Variants in VIRMA observed in about 807,000 individuals in gnomAD.
VIRMA encodes protein virilizer homolog.
In VIRMA, 65 loss-of-function variants were observed where a neutral mutation model predicts 182.4. The observed-to-expected ratio is 0.36, with a 90% confidence interval of 0.29 to 0.44. The LOEUF (loss-of-function observed/expected upper bound fraction) is 0.44. Ranked by LOEUF, VIRMA falls within the 20% of genes least tolerant of loss-of-function variation. The probability of loss-of-function intolerance (pLI) is 1.00; values close to 1 mark genes in which losing one functional copy is unlikely to be tolerated. For missense variants in VIRMA, 1,752 were observed against 2,158.1 expected (o/e 0.81, Z 3.73); for synonymous variants, 709 against 743.1 (o/e 0.95, Z 0.75).
At chr8:94,501,094 T>C (rs746537044) in intron 16 of VIRMA, among the ~76,000 whole-genome samples, 23 of 150,014 alleles carry the variant, frequency 1.5e-4, no homozygotes, top group Non-Finnish European at 3.3e-4. Flanking sequence ...AAAAACAAAA[T>C]ATATACAAAA....
intron 23 of VIRMA, 149 bp downstream of exon 23, chr8:94,489,790 A>T: frequency 1.3e-6 from 1 of 782,398 alleles, no homozygotes; most frequent in South Asian, 2.2e-5. Context: ...GTTTTGGGGA[A>T]GTCAAAGTTA....
intron 4 of VIRMA, 109 bp from the exon 5 acceptor site, chr8:94,535,116 G>A: frequency 1.4e-6 from 2 of 1,455,262 alleles, no homozygotes; most frequent in Non-Finnish European, 1.8e-6. Flanking sequence ...TTAAAAGTAT[G>A]CTGAAAATGC....
In VIRMA at chr8:94,494,591, C is replaced by CAA. The variant is rs1175058697; in HGVS notation, c.4641+267_4641+268dup. 5.6e-3 allele frequency among the ~76,000 whole-genome samples: 239 copies of CAA among 42,936 alleles called. 13 individuals carry two copies. The highest frequency in any genetic ancestry group is 0.045 in the Middle Eastern group (2 of 44). 28.2% of individuals were successfully genotyped at this position (42,936 alleles called of 152,430 possible). A position where few individuals can be genotyped will look rare whatever the true frequency, so the allele number is the denominator to read the frequency against. On this transcript the variant is annotated intron_variant, in intron 20 of 23. Coordinates refer to ENST00000297591, the MANE Select transcript of VIRMA (RefSeq NM_015496.5). Reference sequence around the variant, plus strand: ...TGGGTGACAGAGTGAGACTCTGTCTCAAAAAAAAAAAAAAAAAAAAAAAAA... The same window carrying CAA: ...TGGGTGACAGAGTGAGACTCTGTCTCAAAAAAAAAAAAAAAAAAAAAAAAAAA...
At chr8:94,525,475 T>C (rs560556101) in intron 8 of VIRMA, among the ~76,000 whole-genome samples, 7 of 152,176 alleles carry the variant, frequency 4.6e-5, no homozygotes, top group Non-Finnish European at 8.8e-5. Flanking sequence ...TAAGACAAGG[T>C]GTAACAGTTT....
intron 8 of VIRMA, among the ~76,000 whole-genome samples, chr8:94,520,071 C>G (rs1174982253): frequency 6.7e-6 from 1 of 149,798 alleles, no homozygotes; most frequent in Admixed American, 6.7e-5. Flanking sequence ...ATTAGCCAGG[C>G]GTGGTGGCGC....
In VIRMA at chr8:94,526,980, T is replaced by C. The variant is rs1490814284; in HGVS notation, c.1264A>G (p.Asn422Asp). 1.2e-6 allele frequency: 2 copies of C among 1,614,214 alleles called. No homozygotes were observed. Among genetic ancestry groups the C allele is most frequent in the South Asian group, 1.1e-5 (1 of 91,084 alleles). Reference sequence around the variant, plus strand: ...TGGCCAAGGGAGTCTTGTTTTGTGTTTTTCAATTGCAAATAGCTTAACCCT... The same window carrying C: ...TGGCCAAGGGAGTCTTGTTTTGTGTCTTTCAATTGCAAATAGCTTAACCCT... Reference protein sequence around the residue: ...IKGLSYLQLKNTKQDSLGQLV... With the variant: ...IKGLSYLQLKDTKQDSLGQLV... The change falls in exon 8 of 24, where the codon AAC (asparagine) becomes GAC (aspartate). Residue 422 changes from asparagine to aspartate, a missense_variant. By Grantham distance (23) the Asn-to-Asp change is conservative. This residue lies in a region of VIRMA where 401 missense variants were observed against 455.1 expected (regional missense o/e 0.88). Transcript: ENST00000297591.
At position 94,487,812 on chromosome 8, in the gene VIRMA, C is replaced by T. The variant is rs982197992; in HGVS notation, c.*894G>A. On this transcript the variant is annotated 3_prime_UTR_variant, in exon 24 of 24. Coordinates refer to ENST00000297591, the MANE Select transcript of VIRMA (RefSeq NM_015496.5). ...AAGCTTTATTTCTATGTATAAAGTC[C>T]AGCTTTATTAGATGTTTCTGATTCC... 10 of 151,638 alleles carry T rather than the reference C, an allele frequency of 6.6e-5. No homozygotes were observed. Among genetic ancestry groups the T allele is most frequent in the African/African-American group, 2.4e-4 (10 of 40,992 alleles). 9.4% of individuals were successfully genotyped at this position (151,638 alleles called of 1,614,324 possible).
chr8:94,492,450 AT>A (rs879806894), intron 21 of VIRMA, among the ~76,000 whole-genome samples: 144 of 145,834 alleles, frequency 9.9e-4, no homozygotes, highest in South Asian at 1.1e-3. Flanking sequence ...CGACCAGCTA[AT>A]TTTTTTTTTT....
At chr8:94,490,184 C>G in intron 22 of VIRMA, 102 bp from the exon 23 acceptor site, 8 of 1,322,100 alleles carry the variant, frequency 6.1e-6, no homozygotes, top group Non-Finnish European at 7.3e-6. Context: ...GGAAAAGAAA[C>G]TGAAATTCTG....
chr8:94,513,087 C>T (rs1470387315), intron 11 of VIRMA, among the ~76,000 whole-genome samples: 2 of 152,220 alleles, frequency 1.3e-5, no homozygotes, highest in Non-Finnish European at 1.5e-5. Flanking sequence ...CCTGTAATCA[C>T]AGCACTTTGG....
At chr8:94,505,857 TC>T (rs1814135858) in intron 16 of VIRMA, among the ~76,000 whole-genome samples, 1 of 152,046 alleles carries the variant, frequency 6.6e-6, no homozygotes, top group Non-Finnish European at 1.5e-5. Context: ...TGGTCAGCTC[TC>T]CATACCCATG....
chr8:94,499,587 A>T, intron 16 of VIRMA, 81 bp from the exon 17 acceptor site: 1 of 1,020,710 alleles, frequency 9.8e-7, no homozygotes, highest in Non-Finnish European at 1.4e-6. Flanking sequence ...AACTCACTTC[A>T]GACAGAATAA....
intron 1 of VIRMA, chr8:94,547,015 T>C: frequency 2.2e-6 from 1 of 455,214 alleles, no homozygotes; most frequent in Non-Finnish European, 4.4e-6. Context: ...CTGCCCCAAC[T>C]CCTTTTACAA....
At chr8:94,513,105 T>C (rs1179542057) in intron 11 of VIRMA, among the ~76,000 whole-genome samples, 1 of 152,152 alleles carries the variant, frequency 6.6e-6, no homozygotes, top group Admixed American at 6.5e-5. Context: ...TGGGAGGCCA[T>C]GGCGGGTGGA....
chr8:94,492,689 G>A lies in VIRMA; in HGVS notation c.4771C>T (p.Leu1591Phe). Residue 1591 changes from leucine to phenylalanine, a missense_variant, in exon 21 of 24, where the codon CTT becomes TTT. Transcript: ENST00000297591. ...AAGGTCTCATGCTTGTGCTTCCCAA[G>A]TTTGAATCCTTTAGTAGTCTTGGTT... ...GRTKTTKGFK[L>F]GKHKHETFIT... The A allele has an allele frequency of 6.2e-7, 1 of 1,613,928 alleles. No homozygotes were observed.
chr8:94,540,355 A>C (rs116955876), intron 2 of VIRMA, among the ~76,000 whole-genome samples: 87 of 152,282 alleles, frequency 5.7e-4, no homozygotes, highest in Non-Finnish European at 1.1e-3. Flanking sequence ...AAACACTAAA[A>C]AGTAACAGCA....
At chr8:94,524,450 G>A (rs909502647) in intron 8 of VIRMA, among the ~76,000 whole-genome samples, 9 of 151,740 alleles carry the variant, frequency 5.9e-5, no homozygotes, top group African/African-American at 1.7e-4. Context: ...GATTACAGGC[G>A]CCCACCACCA....
In VIRMA at chr8:94,549,618, T is replaced by A. The variant is rs75138791; in HGVS notation, c.63+3767A>T. On this transcript the variant is annotated intron_variant, in intron 1 of 23. Transcript: ENST00000297591. ...ATCCTGTCAATTCTATACTCGAAAT[T>A]TGTACATATCCAAAACTTGTATAAA... Among the ~76,000 whole-genome samples the A allele has an allele frequency of 1.2e-3, 187 of 152,320 alleles. 1 individual carries two copies. Among genetic ancestry groups the A allele is most frequent in the African/African-American group, 4.3e-3 (178 of 41,562 alleles).
intron 15 of VIRMA, 98 bp from the exon 16 acceptor site, chr8:94,506,815 T>C (rs1169599427): frequency 8.9e-6 from 6 of 671,616 alleles, no homozygotes; most frequent in Non-Finnish European, 1.0e-5. Context: ...TCAATAACTA[T>C]CTCATTAAAA....
Sources: gnomAD v4.1 joint callset for allele counts (sites outside exome capture counted in the v4.1 genomes callset) on GRCh38, gnomAD v4.1.1 for gene constraint, gnomAD v4.1.1 regional missense constraint, MANE v1.5 for transcripts, NCBI Gene and HGNC (gene_info 2026-07-23, HGNC 2026-07-21) for gene names.